Variants in HTR5A observed in about 807,000 individuals in gnomAD.
The protein encoded by HTR5A is 5-hydroxytryptamine receptor 5A.
A neutral mutation model predicts 24.3 loss-of-function variants in HTR5A; 21 were observed. The ratio of observed to expected loss-of-function variants is 0.86; its 90% CI spans 0.61 to 1.24. The LOEUF is 1.24. Ranked by LOEUF, HTR5A falls within the 50% of genes most tolerant of loss-of-function variation. The pLI is 0.00. For missense variants in HTR5A, 497 were observed against 489.5 expected (o/e 1.02, Z -0.15); for synonymous variants, 260 against 213.7 (o/e 1.22, Z -1.89).
At chr7:155,072,298 T>C (rs913862851) in intron 1 of HTR5A, among the ~76,000 whole-genome samples, 9 of 152,056 alleles carry the variant, frequency 5.9e-5, no homozygotes, top group Admixed American at 5.9e-4. Flanking sequence ...TGCCTTAGGG[T>C]GTTACTTTAT....
At chr7:155,072,165 G>A (rs886375355) in intron 1 of HTR5A, among the ~76,000 whole-genome samples, 2 of 152,116 alleles carry the variant, frequency 1.3e-5, no homozygotes, top group Non-Finnish European at 2.9e-5. Flanking sequence ...TACAGCAGCC[G>A]GTTTATTAAA....
intron 1 of HTR5A, among the ~76,000 whole-genome samples, chr7:155,080,828 G>A (rs1795408706): frequency 6.6e-6 from 1 of 152,060 alleles, no homozygotes; most frequent in African/African-American, 2.4e-5. Context: ...CTGTTGGATG[G>A]CGTTTTCTGT....
In HTR5A at chr7:155,073,036, G is replaced by C. The variant is rs190306913; in HGVS notation, c.741+1396G>C. ...GAGACATTTTGGATGATTAAGAATT[G>C]AGGGCCAGGTGCGGTGGCTCACGCC... On this transcript the variant is annotated intron_variant, in intron 1 of 1. Coordinates refer to ENST00000287907, the MANE Select transcript of HTR5A (RefSeq NM_024012.4). Among the ~76,000 whole-genome samples, 10 of 152,236 alleles carry C rather than the reference G, an allele frequency of 6.6e-5. No individual in the cohort carries two copies. In the East Asian group the frequency reaches 1.9e-3, roughly 29 times the overall value.
Position 155,070,329 on chromosome 7 carries a change from T to TAAAAA in HTR5A, c.-571_-570insAAAAA. The TAAAAA allele has an allele frequency of 4.7e-6, 2 of 423,490 alleles. No individual in the cohort carries two copies. Among genetic ancestry groups the TAAAAA allele is most frequent in the Non-Finnish European group, 9.6e-6 (2 of 208,788 alleles). The allele number at this position is 423,490 out of a possible 1,614,324, so 26.2% of individuals were successfully genotyped here. Reference sequence around the variant, plus strand: ...CAGGTCTCGGTGGGCGCGCCAGCATTCGCTCTCCGGAGCTGCAGCCTCCGA... The same window carrying TAAAAA: ...CAGGTCTCGGTGGGCGCGCCAGCATTAAAAACGCTCTCCGGAGCTGCAGCCTCCGA... On this transcript the variant is annotated 5_prime_UTR_variant, in exon 1 of 2. Coordinates refer to ENST00000287907, the MANE Select transcript of HTR5A (RefSeq NM_024012.4).
chr7:155,076,834 G>T (rs1218084431), intron 1 of HTR5A, among the ~76,000 whole-genome samples: 1 of 152,194 alleles, frequency 6.6e-6, no homozygotes, highest in African/African-American at 2.4e-5. Context: ...AAGATGTGTT[G>T]ACTAGTTGAA....
intron 1 of HTR5A, among the ~76,000 whole-genome samples, chr7:155,082,925 ATTAT>A (rs1795434127): frequency 6.6e-6 from 1 of 152,156 alleles, no homozygotes; most frequent in Admixed American, 6.5e-5. Flanking sequence ...CATTGGTTTC[ATTAT>A]TTATTATCTT....
In HTR5A at chr7:155,084,495, G is replaced by T; in HGVS notation, c.*8G>T. The T allele has an allele frequency of 6.3e-7, 1 of 1,586,118 alleles. No homozygotes were observed. Among genetic ancestry groups the T allele is most frequent in the South Asian group, 1.1e-5 (1 of 87,304 alleles). ...TTTTCTAGGCAACACTGAGGGAGAG[G>T]ACCAGGATTGAAAAAAGTTTCTTCC... On this transcript the variant is annotated 3_prime_UTR_variant, in exon 2 of 2. Transcript: ENST00000287907.
chr7:155,081,160 A>G (rs941247583), intron 1 of HTR5A, among the ~76,000 whole-genome samples: 2 of 152,182 alleles, frequency 1.3e-5, no homozygotes, highest in African/African-American at 4.8e-5. Flanking sequence ...TTATTGTTCC[A>G]TTGAGCTCCT....
In HTR5A at chr7:155,084,176, C is replaced by T. The variant is rs2150821690; in HGVS notation, c.763C>T (p.Pro255Ser). ...AVEVKDSAKQPQMVFTVRHAT... is the reference protein window; with the variant it reads ...AVEVKDSAKQSQMVFTVRHAT... ...ACAGGTGAAGGACTCTGCCAAACAG[C>T]CCCAGATGGTGTTCACGGTCCGCCA... The change falls in exon 2 of 2, where the codon CCC becomes TCC. Residue 255 changes from proline to serine, a missense_variant. By Grantham distance (74) the Pro-to-Ser change is moderately conservative. Transcript: ENST00000287907. The T allele has an allele frequency of 6.2e-7, 1 of 1,610,386 alleles. No homozygotes were observed.
intron 1 of HTR5A, among the ~76,000 whole-genome samples, chr7:155,075,001 C>G (rs1466323232): frequency 6.6e-6 from 1 of 152,194 alleles, no homozygotes; most frequent in African/African-American, 2.4e-5. Flanking sequence ...AATCAAAGAT[C>G]TAGTTACTTG....
chr7:155,083,637 T>G (rs73729591), intron 1 of HTR5A, among the ~76,000 whole-genome samples: 6,500 of 152,252 alleles, frequency 0.043, 414 homozygotes, highest in African/African-American at 0.14. Flanking sequence ...GAGGTGTCCT[T>G]GTTACTGGAC....
rs2581831 is a variant in HTR5A at position 155,085,014 on chromosome 7, C to T, written c.*527C>T. 24,411 of 153,254 alleles carry T rather than the reference C, an allele frequency of 0.16. 4,075 individuals carry two copies. Among genetic ancestry groups the T allele is most frequent in the African/African-American group, 0.42 (17,315 of 41,322 alleles). The allele number at this position is 153,254 out of a possible 1,614,324, so 9.5% of individuals were successfully genotyped here. A position where few individuals can be genotyped will look rare whatever the true frequency, so the allele number is the denominator to read the frequency against. ...TGACCCAAGAGTTGACCACAAAACA[C>T]TGTCTCCAAATATATTAAAGTATAT... On this transcript the variant is annotated 3_prime_UTR_variant, in exon 2 of 2. Transcript: ENST00000287907.
chr7:155,079,699 A>T (rs1795395572), intron 1 of HTR5A, among the ~76,000 whole-genome samples: 2 of 152,232 alleles, frequency 1.3e-5, no homozygotes, highest in Admixed American at 6.5e-5. Flanking sequence ...GAAATTCTTA[A>T]AAAAGAGGAT....
rs750273210 is a variant in HTR5A, at chr7:155,084,146, C to T, written c.742-9C>T. 5.7e-6 allele frequency: 9 copies of T among 1,582,036 alleles called. No homozygotes were observed. Among genetic ancestry groups the T allele is most frequent in the Non-Finnish European group, 6.0e-6 (7 of 1,163,834 alleles). ...GGCTCCTCATAAAGCTCCTGCTTGTCTTTTACAGGTGAAGGACTCTGCCAA... is the reference window on the plus strand; with the variant it reads ...GGCTCCTCATAAAGCTCCTGCTTGTTTTTTACAGGTGAAGGACTCTGCCAA... On this transcript the variant is annotated splice_polypyrimidine_tract_variant and intron_variant, in intron 1 of 1. Coordinates refer to ENST00000287907, the MANE Select transcript of HTR5A (RefSeq NM_024012.4).
In HTR5A at chr7:155,085,540, T is replaced by A. The variant is rs1166814381; in HGVS notation, c.*1053T>A. On this transcript the variant is annotated 3_prime_UTR_variant, in exon 2 of 2. Transcript: ENST00000287907. ...GTAGGCAATGAAAAAGACAGAACAA[T>A]GGTAAAATGCAGCCCCAGTCCTCTA... The A allele has an allele frequency of 6.6e-6, 1 of 152,052 alleles. No homozygotes were observed. The highest frequency in any genetic ancestry group is 2.4e-5 in the African/African-American group (1 of 41,362). The allele number at this position is 152,052 out of a possible 1,614,324, so 9.4% of individuals were successfully genotyped here.
At chr7:155,083,055 T>C (rs986874744) in intron 1 of HTR5A, among the ~76,000 whole-genome samples, 8 of 152,206 alleles carry the variant, frequency 5.3e-5, no homozygotes, top group African/African-American at 1.9e-4. Context: ...GCCTTAACCA[T>C]AGTGTTCCTA....
chr7:155,080,542 G>A (rs6969232), intron 1 of HTR5A, among the ~76,000 whole-genome samples: 6,469 of 152,246 alleles, frequency 0.042, 409 homozygotes, highest in African/African-American at 0.14. Flanking sequence ...CTTCAATGGA[G>A]CCTCCAGAAC....
rs770639507 is a variant in HTR5A at position 155,084,336 on chromosome 7, GT to G, written c.924del (p.Leu310SerfsTer27). ...CCCTTCTTTCTCACCGAGCTCATCA[GT>G]CCCCTCTGCTCCTGTGACATCCCCG... ...WIPFFLTELI[S>X]PLCSCDIPAI... On this transcript the variant is annotated frameshift_variant, in exon 2 of 2. Transcript: ENST00000287907. LOFTEE classifies it high-confidence loss of function. 4 of 1,614,100 alleles carry G rather than the reference GT, an allele frequency of 2.5e-6. No homozygotes were observed. The Admixed American group carries it at 6.7e-5, about 27-fold the overall frequency.
chr7:155,081,534 T>C (rs2150820699), intron 1 of HTR5A, among the ~76,000 whole-genome samples: 1 of 152,350 alleles, frequency 6.6e-6, no homozygotes, highest in Non-Finnish European at 1.5e-5. Flanking sequence ...TTATGTGCAT[T>C]TCAGAGATTA....
Sources: gnomAD v4.1 joint callset for allele counts (sites outside exome capture counted in the v4.1 genomes callset) on GRCh38, gnomAD v4.1.1 for gene constraint, MANE v1.5 for transcripts, NCBI Gene and HGNC (gene_info 2026-07-23, HGNC 2026-07-21) for gene names.